The following USH2A variants were observed in gnomAD, a reference collection of about 807,000 sequenced individuals.
The protein encoded by USH2A is usherin, also known as Usher syndrome 2A (autosomal recessive, mild).
In USH2A, 443 loss-of-function variants were observed where a neutral mutation model predicts 538.9. The observed-to-expected ratio is 0.82, with a 90% CI of 0.76 to 0.89. USH2A has a LOEUF of 0.89. Ranked by LOEUF, USH2A falls within the 40% of genes least tolerant of loss-of-function variation. USH2A has a pLI of 0.00. For missense variants in USH2A, 6,633 were observed against 6,324.8 expected (o/e 1.05, Z -1.65); for synonymous variants, 2,413 against 2,273.5 (o/e 1.06, Z -1.75).
chr1:215,967,858 A>G (rs965335358), intron 36 of USH2A, among the ~76,000 whole-genome samples: 9 of 152,104 alleles, frequency 5.9e-5, no homozygotes, highest in African/African-American at 2.2e-4. Context: ...CTTTTTAGCC[A>G]TATCACATAG....
intron 22 of USH2A, 82 bp from the exon 23 acceptor site, chr1:216,089,221 T>TA: frequency 6.9e-7 from 1 of 1,452,318 alleles, no homozygotes; most frequent in Non-Finnish European, 9.6e-7. Flanking sequence ...TAAACCAATT[T>TA]ACAAGTTTCA....
chr1:215,794,612 C>T (rs1662074483), intron 50 of USH2A, among the ~76,000 whole-genome samples: 1 of 152,088 alleles, frequency 6.6e-6, no homozygotes, highest in African/African-American at 2.4e-5. Context: ...GAAAGAAAGT[C>T]AAGAGAATAA....
chr1:216,266,047 G>T (rs539843626), intron 11 of USH2A, among the ~76,000 whole-genome samples: 1 of 152,132 alleles, frequency 6.6e-6, no homozygotes, highest in African/African-American at 2.4e-5. Context: ...CTAGAAGAAA[G>T]GATTTTGAAT....
At chr1:216,299,826 T>C (rs1466818477) in intron 9 of USH2A, among the ~76,000 whole-genome samples, 1 of 152,116 alleles carries the variant, frequency 6.6e-6, no homozygotes, top group Non-Finnish European at 1.5e-5. Context: ...ATACATTTTT[T>C]CCAAAACAAT....
intron 32 of USH2A, among the ~76,000 whole-genome samples, chr1:216,022,614 A>C (rs1487900944): frequency 1.3e-5 from 2 of 152,184 alleles, no homozygotes; most frequent in Admixed American, 1.3e-4. Context: ...GACTCACTTA[A>C]GAAAGAGGGA....
rs113776366 is a variant in USH2A, at chr1:215,958,135, AT to A, written c.7120+7181del. ...CTCAAGAAAATAAACGCTTCTGTAT[AT>A]TTTTTTTCCATCTTGTAATTTTTAT... On this transcript the variant is annotated intron_variant, in intron 37 of 71. Transcript: ENST00000307340. Among the ~76,000 whole-genome samples, 6 of 151,966 alleles carry A rather than the reference AT, an allele frequency of 3.9e-5. No individual in the cohort carries two copies. The East Asian group carries it at 9.7e-4, about 24-fold the overall frequency.
chr1:216,060,690 T>C (rs2031147878), intron 30 of USH2A, among the ~76,000 whole-genome samples: 1 of 152,204 alleles, frequency 6.6e-6, no homozygotes, highest in African/African-American at 2.4e-5. Flanking sequence ...ATACACCAAT[T>C]ATATCTGTAA....
intron 32 of USH2A, among the ~76,000 whole-genome samples, chr1:216,040,048 T>TACACAC (rs59691309): frequency 1.8e-4 from 27 of 146,226 alleles, no homozygotes; most frequent in Admixed American, 4.8e-4. Flanking sequence ...GTCTCTCAAT[T>TACACAC]ACACACACAC....
chr1:216,365,419 G>A (rs910315993), intron 3 of USH2A, among the ~76,000 whole-genome samples: 12 of 152,114 alleles, frequency 7.9e-5, no homozygotes, highest in African/African-American at 2.9e-4. Flanking sequence ...ATTTGTTATG[G>A]CTATATTTGG....
chr1:216,246,727 C>T lies in USH2A; in HGVS notation c.2667G>A (p.Leu889=). The T allele has an allele frequency of 6.2e-7, 1 of 1,614,120 alleles. No homozygotes were observed. Among genetic ancestry groups the T allele is most frequent in the Non-Finnish European group, 8.5e-7 (1 of 1,179,986 alleles). ...CNQCEPHRYN[L]TIDNFQHCQM... is the part of the protein sequence containing the mutation. Reference sequence around the variant, plus strand: ...GGCAGTGTTGAAAATTGTCAATGGTCAAATTGTACCTGTGAGGCTCACACT... The same window carrying T: ...GGCAGTGTTGAAAATTGTCAATGGTTAAATTGTACCTGTGAGGCTCACACT... The change falls in exon 13 of 72, where the codon TTG becomes TTA. Residue 889 remains leucine (L), a synonymous_variant. Transcript: ENST00000307340.
At chr1:216,308,075 G>T (rs898514459) in intron 9 of USH2A, among the ~76,000 whole-genome samples, 1 of 152,268 alleles carries the variant, frequency 6.6e-6, no homozygotes, top group Admixed American at 6.5e-5. Flanking sequence ...CCGAGGGGGA[G>T]CTGCAAGTTA....
chr1:216,377,805 TAAAAAGAAAGAAAGAAAGAAAGAA>T (rs1558061670), intron 3 of USH2A, among the ~76,000 whole-genome samples: 4 of 9,078 alleles, frequency 4.4e-4, no homozygotes, highest in African/African-American at 1.1e-3. Flanking sequence ...AGGAAAGAAA[TAAAAAGAAAGAAAGAAAGAAAGAA>T]AGAAAGAAAG....
intron 11 of USH2A, among the ~76,000 whole-genome samples, chr1:216,276,707 G>A (rs1458296990): frequency 6.6e-6 from 1 of 152,128 alleles, no homozygotes; most frequent in Non-Finnish European, 1.5e-5. Flanking sequence ...CAGAAGGCAA[G>A]GAGGAGCAAG....
chr1:215,872,767 C>A (rs1314231394), intron 43 of USH2A, among the ~76,000 whole-genome samples: 1 of 151,918 alleles, frequency 6.6e-6, no homozygotes, highest in African/African-American at 2.4e-5. Flanking sequence ...TTATGAATGG[C>A]TTGCTGTCAT....
intron 61 of USH2A, among the ~76,000 whole-genome samples, chr1:215,707,213 A>G (rs1215118860): frequency 6.6e-6 from 1 of 152,258 alleles, no homozygotes; most frequent in Non-Finnish European, 1.5e-5. Context: ...GCAGAGAGGC[A>G]GAAATGATCT....
Position 216,199,659 on chromosome 1 carries a change from T to C in USH2A, c.3779A>G (p.His1260Arg), listed in dbSNP as rs1572042125. 6.2e-7 allele frequency: 1 copy of C among 1,614,110 alleles called. No homozygotes were observed. Among genetic ancestry groups the C allele is most frequent in the Non-Finnish European group, 8.5e-7 (1 of 1,179,984 alleles). The change falls in exon 17 of 72, where the codon CAT becomes CGT. Residue 1260 changes from histidine to arginine, a missense_variant. His to Arg is a conservative substitution (Grantham distance 29). Transcript: ENST00000307340. ...KMQKISSTELHVEWSPPAELN... is the reference protein window; with the variant it reads ...KMQKISSTELRVEWSPPAELN... ...TTCCGCTGGTGGAGACCATTCTACA[T>C]GAAGTTCTGTAGAACTGATTTTCTG...
chr1:215,870,672 T>C (rs891734357), intron 43 of USH2A, among the ~76,000 whole-genome samples: 2 of 152,112 alleles, frequency 1.3e-5, no homozygotes, highest in Admixed American at 1.3e-4. Context: ...AATCTGTATT[T>C]AGTAAGAATA....
chr1:215,634,651 T>C lies in USH2A; in HGVS notation c.15105A>G (p.Thr5035=). 1.9e-6 allele frequency: 3 copies of C among 1,614,244 alleles called. No homozygotes were observed. The African/African-American group carries it at 4.0e-5, about 22-fold the overall frequency. The part of the protein sequence containing the change: ...GKKKGSRSKS[T]EFYSELWFIV... The stretch of plus-strand genomic sequence containing the variant: ...TGAACCACAGCTCGCTGTAGAACTC[T>C]GTGCTTTTGCTCCGCGATCCCTTCT... Residue 5035 remains threonine (T), a synonymous_variant, in exon 70 of 72, where the codon ACA becomes ACG. Coordinates refer to ENST00000307340, the MANE Select transcript of USH2A (RefSeq NM_206933.4).
intron 32 of USH2A, among the ~76,000 whole-genome samples, chr1:216,044,018 T>G: frequency 8.8e-6 from 1 of 113,104 alleles, no homozygotes; most frequent in South Asian, 2.3e-4. Context: ...ACTTCATTCT[T>G]TCACTCTAAC....
Sources: gnomAD v4.1 joint callset for allele counts (sites outside exome capture counted in the v4.1 genomes callset) on GRCh38, gnomAD v4.1.1 for gene constraint, MANE v1.5 for transcripts, NCBI Gene and HGNC (gene_info 2026-07-23, HGNC 2026-07-21) for gene names.